PTPRD: variants seen among roughly 807,000 people sequenced by gnomAD.
The protein encoded by PTPRD is protein tyrosine phosphatase receptor type D.
A neutral mutation model predicts 214.5 loss-of-function variants in PTPRD; 34 were observed. That is an observed-to-expected ratio of 0.16 (90% CI 0.12 to 0.21). The LOEUF is 0.21. Ranked by LOEUF, PTPRD falls within the 10% of genes least tolerant of loss-of-function variation. The probability of loss-of-function intolerance (pLI) is 1.00; values close to 1 mark genes in which losing one functional copy is unlikely to be tolerated. For synonymous variants in PTPRD, 1,128 were observed against 845.7 expected, an observed-to-expected ratio of 1.33 and a Z score of -5.79; for missense variants, 2,545 against 2,398.7, an observed-to-expected ratio of 1.06 and a Z score of -1.27.
intron 14 of PTPRD, among the ~76,000 whole-genome samples, chr9:8,602,508 TA>T (rs1282018296): frequency 1.3e-5 from 2 of 151,444 alleles, no homozygotes; most frequent in Non-Finnish European, 3.0e-5. Flanking sequence ...CCTAAACGTG[TA>T]AAAAGACAAT....
intron 2 of PTPRD, among the ~76,000 whole-genome samples, chr9:10,456,712 CA>C (rs113101709): frequency 0.012 from 1,825 of 151,976 alleles, 34 homozygotes; most frequent in African/African-American, 0.04. Flanking sequence ...TCTTACTAAC[CA>C]TCTCTTACAG....
intron 10 of PTPRD, among the ~76,000 whole-genome samples, chr9:9,136,705 G>A (rs897878914): frequency 3.3e-5 from 5 of 152,256 alleles, no homozygotes; most frequent in African/African-American, 9.6e-5. Context: ...CAGTTTATCT[G>A]TATGTATTTG....
At chr9:9,863,758 T>C (rs1198889937) in intron 5 of PTPRD, among the ~76,000 whole-genome samples, 2 of 151,808 alleles carry the variant, frequency 1.3e-5, no homozygotes, top group Admixed American at 1.3e-4. Context: ...ATAAACAAAC[T>C]TCAGAAAGAC....
At chr9:9,134,806 C>CGTGTGTGTGTGTGT (rs142357379) in intron 10 of PTPRD, among the ~76,000 whole-genome samples, 2,380 of 150,660 alleles carry the variant, frequency 0.016, 32 homozygotes, top group East Asian at 0.048. Flanking sequence ...ATTTGGAGTG[C>CGTGTGTGTGTGTGT]GTGTGTGTGT....
chr9:10,366,311 T>C (rs1371965206), intron 2 of PTPRD, among the ~76,000 whole-genome samples: 1 of 152,198 alleles, frequency 6.6e-6, no homozygotes, highest in Non-Finnish European at 1.5e-5. Flanking sequence ...TAAACTGCTA[T>C]GTATACAGAA....
intron 14 of PTPRD, among the ~76,000 whole-genome samples, chr9:8,546,898 G>C (rs1455858058): frequency 6.6e-6 from 1 of 152,190 alleles, no homozygotes; most frequent in Non-Finnish European, 1.5e-5. Context: ...AGAGATGTTA[G>C]TAGATTTGGA....
At chr9:10,506,154 G>C (rs1315556780) in intron 2 of PTPRD, among the ~76,000 whole-genome samples, 7 of 152,058 alleles carry the variant, frequency 4.6e-5, no homozygotes, top group Non-Finnish European at 1.0e-4. Flanking sequence ...GAATCCAGAA[G>C]AACAGATGGG....
At chr9:10,509,229 T>C (rs1482438010) in intron 2 of PTPRD, among the ~76,000 whole-genome samples, 1 of 152,058 alleles carries the variant, frequency 6.6e-6, no homozygotes, top group East Asian at 1.9e-4. Flanking sequence ...TAATGTGGTG[T>C]AATAATGATT....
chr9:9,256,392 G>T (rs969858762), intron 9 of PTPRD, among the ~76,000 whole-genome samples: 3 of 151,502 alleles, frequency 2.0e-5, no homozygotes, highest in African/African-American at 7.3e-5. Flanking sequence ...TCTGCATTTT[G>T]GTCCTTACAT....
At chr9:9,230,388 C>T (rs768551464) in intron 9 of PTPRD, among the ~76,000 whole-genome samples, 3 of 152,134 alleles carry the variant, frequency 2.0e-5, no homozygotes, top group Non-Finnish European at 4.4e-5. Flanking sequence ...CCATTCATCT[C>T]TTCCATCTGG....
chr9:8,711,334 G>A (rs759577562), intron 12 of PTPRD, among the ~76,000 whole-genome samples: 2 of 151,620 alleles, frequency 1.3e-5, no homozygotes, highest in Non-Finnish European at 2.9e-5. Flanking sequence ...TATTCTTGAG[G>A]GATATAATTG....
intron 7 of PTPRD, among the ~76,000 whole-genome samples, chr9:9,709,800 C>T (rs1377286499): frequency 1.3e-5 from 2 of 152,014 alleles, no homozygotes; most frequent in Non-Finnish European, 2.9e-5. Context: ...GTCATTAAAT[C>T]ATATTTTGTA....
At chr9:9,583,651 T>C (rs1036940598) in intron 7 of PTPRD, among the ~76,000 whole-genome samples, 7 of 152,110 alleles carry the variant, frequency 4.6e-5, no homozygotes, top group African/African-American at 9.6e-5. Flanking sequence ...TTTCTGGAGA[T>C]AGTAATATTG....
rs551658393 is a variant in PTPRD at position 9,772,095 on chromosome 9, A to C, written c.-367-5244T>G. Among the ~76,000 whole-genome samples the C allele has an allele frequency of 3.9e-5, 6 of 152,282 alleles. No individual in the cohort carries two copies. In the East Asian group the frequency reaches 1.2e-3, roughly 29 times the overall value. On this transcript the variant is annotated intron_variant, in intron 5 of 45. Transcript: ENST00000381196. ...GTGTATTTAGAGATAGGATATTTTAAAGGGTCATTAAGTTAAAATAATGCC... is the reference window on the plus strand; with the variant it reads ...GTGTATTTAGAGATAGGATATTTTACAGGGTCATTAAGTTAAAATAATGCC...
intron 3 of PTPRD, among the ~76,000 whole-genome samples, chr9:10,335,032 T>C (rs2096821273): frequency 6.6e-6 from 1 of 151,684 alleles, no homozygotes; most frequent in African/African-American, 2.4e-5. Flanking sequence ...TCTAAATATG[T>C]AATGCAATCC....
chr9:10,244,161 A>G (rs2091663126), intron 3 of PTPRD, among the ~76,000 whole-genome samples: 1 of 152,024 alleles, frequency 6.6e-6, no homozygotes, highest in African/African-American at 2.4e-5. Flanking sequence ...GCTCTGGATT[A>G]AAATCAACCT....
At chr9:9,172,830 C>A (rs539528937) in intron 10 of PTPRD, among the ~76,000 whole-genome samples, 2 of 152,228 alleles carry the variant, frequency 1.3e-5, no homozygotes, top group South Asian at 4.1e-4. Flanking sequence ...TTCCAATAGC[C>A]TTTATCCTGC....
At chr9:10,455,686 G>C (rs2098908626) in intron 2 of PTPRD, among the ~76,000 whole-genome samples, 1 of 151,588 alleles carries the variant, frequency 6.6e-6, no homozygotes, top group Non-Finnish European at 1.5e-5. Context: ...CCTTTGTTGA[G>C]AACCAATACA....
chr9:9,471,475 C>G (rs2094581430), intron 8 of PTPRD, among the ~76,000 whole-genome samples: 1 of 152,078 alleles, frequency 6.6e-6, no homozygotes, highest in Non-Finnish European at 1.5e-5. Flanking sequence ...AAAATCAATA[C>G]TCTTCTCATT....
Sources: gnomAD v4.1 joint callset for allele counts (sites outside exome capture counted in the v4.1 genomes callset) on GRCh38, gnomAD v4.1.1 for gene constraint, MANE v1.5 for transcripts, NCBI Gene and HGNC (gene_info 2026-07-23, HGNC 2026-07-21) for gene names.